The following FBL variants were observed in gnomAD, a reference collection of about 807,000 sequenced individuals.
The protein encoded by FBL is fibrillarin rRNA 2'-O-methyltransferase, also known as rRNA 2'-O-methyltransferase fibrillarin.
Under a neutral mutation model 42.2 loss-of-function variants are expected in FBL, and 10 were observed. The ratio of observed to expected loss-of-function variants is 0.24; its 90% CI spans 0.15 to 0.40. FBL has a LOEUF of 0.40. FBL is among the 10% of genes least tolerant of loss of function. The pLI, the probability that FBL is intolerant of heterozygous loss-of-function variation, is 1.00. For missense variants in FBL, 351 were observed against 439.2 expected (o/e 0.80, Z 1.79); for synonymous variants, 165 against 165.4 (o/e 1.00, Z 0.02).
intron 1 of FBL, among the ~76,000 whole-genome samples, chr19:39,845,191 G>A (rs1317893101): frequency 2.0e-5 from 3 of 152,154 alleles, no homozygotes; most frequent in Non-Finnish European, 4.4e-5. Flanking sequence ...GGCCATGGTG[G>A]AAATTCTCCA....
chr19:39,839,736 G>A (rs1183310509), intron 4 of FBL, among the ~76,000 whole-genome samples: 1 of 152,132 alleles, frequency 6.6e-6, no homozygotes, highest in Non-Finnish European at 1.5e-5. Context: ...CAAGTTATCT[G>A]AGGAAGGACA....
intron 1 of FBL, among the ~76,000 whole-genome samples, chr19:39,844,264 T>C (rs1969216991): frequency 6.6e-6 from 1 of 152,214 alleles, no homozygotes; most frequent in Non-Finnish European, 1.5e-5. Flanking sequence ...GCTAGGCTTA[T>C]GAAAGTCTCA....
At chr19:39,846,190 C>T in intron 1 of FBL, 101 bp downstream of exon 1, 2 of 1,393,712 alleles carry the variant, frequency 1.4e-6, no homozygotes, top group South Asian at 1.2e-5. Flanking sequence ...TGCTCAGAAC[C>T]CCTGCCCCCA....
At chr19:39,836,913 CGGG>C (rs1969059320) in intron 6 of FBL, among the ~76,000 whole-genome samples, 1 of 152,210 alleles carries the variant, frequency 6.6e-6, no homozygotes, top group South Asian at 2.1e-4. Flanking sequence ...AGCCCTGGGC[CGGG>C]CGTGGGGGAC....
chr19:39,840,175 C>T lies in FBL; in HGVS notation c.378+58G>A. The T allele has an allele frequency of 1.7e-6, 2 of 1,191,870 alleles. No individual in the cohort carries two copies. The highest frequency in any genetic ancestry group is 2.5e-6 in the Non-Finnish European group (2 of 797,224). The allele number at this position is 1,191,870 out of a possible 1,614,324, so 73.8% of individuals were successfully genotyped here. A position where few individuals can be genotyped will look rare whatever the true frequency, so the allele number is the denominator to read the frequency against. Reference sequence around the variant, plus strand: ...GACACATGGTGAGGGCAGACACAGACTACTGGCTACACCCTCAGCTGCGAC... The same window carrying T: ...GACACATGGTGAGGGCAGACACAGATTACTGGCTACACCCTCAGCTGCGAC... On this transcript the variant is annotated intron_variant, in intron 4 of 8. Coordinates refer to ENST00000221801, the MANE Select transcript of FBL (RefSeq NM_001436.4). This position sits in a 1 kb window ranked among gnomAD's most constrained non-coding sequence, Gnocchi z 4.5.
At chr19:39,842,872 C>T (rs1969187303) in intron 1 of FBL, among the ~76,000 whole-genome samples, 1 of 152,062 alleles carries the variant, frequency 6.6e-6, no homozygotes, top group Non-Finnish European at 1.5e-5. Flanking sequence ...ACTTCCCTGA[C>T]TTCATTCTCT....
intron 1 of FBL, among the ~76,000 whole-genome samples, chr19:39,845,656 G>T (rs1969250227): frequency 4.6e-5 from 7 of 152,140 alleles, no homozygotes; most frequent in Admixed American, 4.6e-4. Flanking sequence ...GTTAAGTCTC[G>T]TCCCGGAGGT....
rs200224908 is a variant in FBL at position 39,840,433 on chromosome 19, C to T, written c.264G>A (p.Val88=). 3 of 1,614,168 alleles carry T rather than the reference C, an allele frequency of 1.9e-6. No individual in the cohort carries two copies. Among genetic ancestry groups the T allele is most frequent in the African/African-American group, 2.7e-5 (2 of 75,032 alleles). ...RGNQSGKNVM[V]EPHRHEGVFI... ...ACTCACCCTCATGCCGATGCGGCTC[C>T]ACCATCACATTCTTCCCCGACTGGT... The change falls in exon 3 of 9, where the codon GTG becomes GTA. Residue 88 remains valine (V), a synonymous_variant. Transcript: ENST00000221801. This position sits in a 1 kb window ranked among gnomAD's most constrained non-coding sequence, Gnocchi z 4.5.
At position 39,846,348 on chromosome 19, in the gene FBL, C is replaced by T; in HGVS notation, c.-48G>A. The T allele has an allele frequency of 1.9e-6, 3 of 1,610,398 alleles. No homozygotes were observed. Among genetic ancestry groups the T allele is most frequent in the Non-Finnish European group, 1.7e-6 (2 of 1,178,362 alleles). On this transcript the variant is annotated 5_prime_UTR_variant, in exon 1 of 9. Coordinates refer to ENST00000221801, the MANE Select transcript of FBL (RefSeq NM_001436.4). ...TCCGGAGTCCGCGGCGTTCACAACT[C>T]CACGAGTCCGGGGCTTTCGCACGTG...
rs544444711 is a variant in FBL, at chr19:39,842,247, G to A, written c.11-1460C>T. ...ACTACAGGCGCCCACCACCATGCCC[G>A]GCTAATTTTTTTGTATTTTTAGTAG... On this transcript the variant is annotated intron_variant, in intron 1 of 8. Transcript: ENST00000221801. Among the ~76,000 whole-genome samples, 12 of 152,066 alleles carry A rather than the reference G, an allele frequency of 7.9e-5. No individual in the cohort carries two copies. The East Asian group carries it at 1.4e-3, about 17-fold the overall frequency.
chr19:39,836,526 C>A, intron 7 of FBL, 30 bp downstream of exon 7: 1 of 1,468,466 alleles, frequency 6.8e-7, no homozygotes, highest in Non-Finnish European at 9.5e-7. Flanking sequence ...AACACTGCCA[C>A]CCCATCTTAG....
rs1968983673 is a variant in FBL, at chr19:39,834,504, C to A, written c.*34G>T. 1 of 1,613,100 alleles carries A rather than the reference C, an allele frequency of 6.2e-7. No homozygotes were observed. The highest frequency in any genetic ancestry group is 8.5e-7 in the Non-Finnish European group (1 of 1,179,196). On this transcript the variant is annotated 3_prime_UTR_variant, in exon 9 of 9. Transcript: ENST00000221801. ...AAAAACACACGTGCAACAGTATCAA[C>A]ACACATCTCTCGCAATCCTGACAGC...
chr19:39,841,316 G>A (rs1386044900), intron 1 of FBL, among the ~76,000 whole-genome samples: 2 of 152,084 alleles, frequency 1.3e-5, no homozygotes, highest in Non-Finnish European at 2.9e-5. Context: ...TTGGCCTCCT[G>A]AAGTGCTGGG....
rs776230513 is a variant in FBL, at chr19:39,839,161, G to A, written c.423C>T (p.Arg141=). Residue 141 remains arginine, a synonymous_variant, in exon 5 of 9, where the codon CGC becomes CGT. Transcript: ENST00000221801. The part of the protein sequence containing the change: ...KIEYRAWNPF[R]SKLAAAILGG... ...CCAGGATTGCTGCTGCTAGCTTGGA[G>A]CGGAAGGGGTTCCAGGCTCGGTACT... The A allele has an allele frequency of 1.9e-6, 3 of 1,613,888 alleles. No individual in the cohort carries two copies. Among genetic ancestry groups the A allele is most frequent in the Non-Finnish European group, 2.5e-6 (3 of 1,179,908 alleles).
In FBL at chr19:39,840,224, A is replaced by G. The variant is rs766140203; in HGVS notation, c.378+9T>C. On this transcript the variant is annotated intron_variant, in intron 4 of 8. Transcript: ENST00000221801. This position sits in a 1 kb window ranked among gnomAD's most constrained non-coding sequence, Gnocchi z 4.5. ...ACCCTGGTGGCTTGGACAGGGGCCC[A>G]GTTCTCACCGAAATCGAGACTCTCT... is the stretch of plus-strand genomic sequence containing the variant. 9 of 1,609,936 alleles carry G rather than the reference A, an allele frequency of 5.6e-6. No homozygotes were observed. The South Asian group carries it at 8.8e-5, about 16-fold the overall frequency.
At chr19:39,835,312 A>G (rs972739224) in intron 7 of FBL, among the ~76,000 whole-genome samples, 4 of 152,050 alleles carry the variant, frequency 2.6e-5, no homozygotes, top group African/African-American at 9.7e-5. Context: ...CGAAATCAGG[A>G]GATTGAGACC....
chr19:39,840,173 G>C lies in FBL; in HGVS notation c.378+60C>G. 8.5e-7 allele frequency: 1 copy of C among 1,173,526 alleles called. No individual in the cohort carries two copies. Among genetic ancestry groups the C allele is most frequent in the Non-Finnish European group, 1.3e-6 (1 of 780,676 alleles). The allele number at this position is 1,173,526 out of a possible 1,614,324, so 72.7% of individuals were successfully genotyped here. A position where few individuals can be genotyped will look rare whatever the true frequency, so the allele number is the denominator to read the frequency against. ...AGGACACATGGTGAGGGCAGACACA[G>C]ACTACTGGCTACACCCTCAGCTGCG... On this transcript the variant is annotated intron_variant, in intron 4 of 8. Coordinates refer to ENST00000221801, the MANE Select transcript of FBL (RefSeq NM_001436.4). This position sits in a 1 kb window ranked among gnomAD's most constrained non-coding sequence, Gnocchi z 4.5.
chr19:39,839,668 C>A (rs897921550), intron 4 of FBL, among the ~76,000 whole-genome samples: 1 of 151,764 alleles, frequency 6.6e-6, no homozygotes, highest in Admixed American at 6.6e-5. Flanking sequence ...GGAAAAGGGG[C>A]CAGGGAGGGG....
At chr19:39,835,808 C>T (rs1969033989) in intron 7 of FBL, among the ~76,000 whole-genome samples, 1 of 152,086 alleles carries the variant, frequency 6.6e-6, no homozygotes, top group South Asian at 2.1e-4. Flanking sequence ...CGCCTGTAGT[C>T]CCAGCTACTT....
Sources: allele counts gnomAD v4.1 joint callset (sites outside exome capture counted in the v4.1 genomes callset), GRCh38; gene constraint gnomAD v4.1.1; non-coding constraint Gnocchi (gnomAD v3.1); transcripts MANE v1.5; gene names NCBI Gene and HGNC (gene_info 2026-07-23, HGNC 2026-07-21).